Variants in PPP1R13B observed in about 807,000 individuals in gnomAD.
The protein encoded by PPP1R13B is apoptosis-stimulating of p53 protein 1.
Under a neutral mutation model 119.8 loss-of-function variants are expected in PPP1R13B, and 44 were observed. That is an observed-to-expected ratio of 0.37 (90% CI 0.29 to 0.47). The LOEUF is 0.47. PPP1R13B is among the 20% of genes least tolerant of loss of function. The pLI, the probability that PPP1R13B is intolerant of heterozygous loss-of-function variation, is 0.99. For synonymous variants in PPP1R13B, 542 were observed against 561.5 expected (o/e 0.97, Z 0.49); for missense variants, 1,227 against 1,413.5 (o/e 0.87, Z 2.12).
Position 103,812,752 on chromosome 14 carries a change from A to G in PPP1R13B, c.10-15234T>C, listed in dbSNP as rs1262451562. The stretch of plus-strand genomic sequence containing the variant: ...TTTTTAATGGGCAAATGATCTGAAC[A>G]GATACTTCACCAAAGATGACATACA... On this transcript the variant is annotated intron_variant, in intron 1 of 16. Coordinates refer to ENST00000202556, the MANE Select transcript of PPP1R13B (RefSeq NM_015316.3). Among the ~76,000 whole-genome samples the G allele has an allele frequency of 3.9e-5, 6 of 152,346 alleles. No homozygotes were observed. In the South Asian group the frequency reaches 8.3e-4, roughly 21 times the overall value.
chr14:103,785,517 C>CT (rs57736391), intron 2 of PPP1R13B, among the ~76,000 whole-genome samples: 4,910 of 120,128 alleles, frequency 0.041, 370 homozygotes, highest in African/African-American at 0.14. Context: ...CACACTCAGC[C>CT]TTTTTTTTTT....
rs557664873 is a variant in PPP1R13B at position 103,734,744 on chromosome 14, G to A, written c.*410C>T. 3.9e-5 allele frequency: 18 copies of A among 462,868 alleles called. No individual in the cohort carries two copies. The highest frequency in any genetic ancestry group is 5.9e-5 in the African/African-American group (3 of 50,512). 28.7% of individuals were successfully genotyped at this position (462,868 alleles called of 1,614,324 possible). ...GTCCGATTCGGTGACGGGGGGCAGG[G>A]CGGTCGCAGGGGAGCAGGCCTCACA... On this transcript the variant is annotated 3_prime_UTR_variant, in exon 17 of 17. Transcript: ENST00000202556.
At chr14:103,739,302 C>G in intron 12 of PPP1R13B, 1 of 427,482 alleles carries the variant, frequency 2.3e-6, no homozygotes, top group Non-Finnish European at 4.2e-6. Context: ...CCTCGGAAGA[C>G]TCTGTGGGAG....
intron 1 of PPP1R13B, among the ~76,000 whole-genome samples, chr14:103,799,612 T>G (rs982100601): frequency 2.6e-5 from 3 of 115,872 alleles, no homozygotes; most frequent in African/African-American, 3.7e-5. Flanking sequence ...TGTGCCGGGT[T>G]TTTTGTTTTT....
chr14:103,737,613 C>T (rs2084146475), intron 15 of PPP1R13B, 81 bp downstream of exon 15: 1 of 1,503,176 alleles, frequency 6.7e-7, no homozygotes, highest in Non-Finnish European at 9.0e-7. Context: ...TGTGCTGAAG[C>T]TTCTCTGGCA....
intron 4 of PPP1R13B, chr14:103,763,317 T>A (rs1223580534): frequency 3.2e-6 from 1 of 311,374 alleles, no homozygotes; most frequent in Non-Finnish European, 6.0e-6. Flanking sequence ...GTCTGTTAAC[T>A]AGTACATGGT....
intron 7 of PPP1R13B, among the ~76,000 whole-genome samples, chr14:103,750,176 T>A (rs1535098): frequency 0.45 from 67,774 of 151,930 alleles, 15,633 homozygotes; most frequent in African/African-American, 0.56. Context: ...AAATGACTAG[T>A]GCCAATGATG....
intron 2 of PPP1R13B, among the ~76,000 whole-genome samples, chr14:103,792,547 C>T (rs2144079): frequency 0.58 from 88,205 of 151,934 alleles, 27,584 homozygotes; most frequent in African/African-American, 0.84. Context: ...ACATAATTTT[C>T]GTTTTAAAGT....
intron 2 of PPP1R13B, among the ~76,000 whole-genome samples, chr14:103,787,991 T>A (rs893045999): frequency 6.6e-6 from 1 of 151,952 alleles, no homozygotes. Flanking sequence ...CACACATCCA[T>A]AGTCCCAGCG....
intron 3 of PPP1R13B, among the ~76,000 whole-genome samples, 194 bp downstream of exon 3, chr14:103,784,583 CAAAAAAAAAAAAAAAAAA>C (rs546875688): frequency 5.0e-5 from 3 of 60,584 alleles, no homozygotes; most frequent in South Asian, 7.3e-4. Flanking sequence ...ACTCTGTCTC[CAAAAAAAAAAAAAAAAAA>C]AAAAAAAAAA....
intron 1 of PPP1R13B, among the ~76,000 whole-genome samples, chr14:103,828,019 CAAAG>C (rs910135313): frequency 2.0e-5 from 3 of 152,154 alleles, no homozygotes; most frequent in Non-Finnish European, 4.4e-5. Flanking sequence ...ACCAACCACA[CAAAG>C]AGACTAAAAT....
At chr14:103,739,234 G>T in intron 12 of PPP1R13B, 1 of 589,292 alleles carries the variant, frequency 1.7e-6, no homozygotes. Context: ...CCTGTCTGAG[G>T]CCTGAGTCCC....
chr14:103,786,534 G>A (rs866796041), intron 2 of PPP1R13B, among the ~76,000 whole-genome samples: 7 of 151,942 alleles, frequency 4.6e-5, no homozygotes, highest in South Asian at 4.2e-4. Flanking sequence ...GGAGGCCAAG[G>A]TGGGCAGATC....
At chr14:103,794,665 TA>T (rs557361588) in intron 2 of PPP1R13B, 81,977 of 355,830 alleles carry the variant, frequency 0.23, 56 homozygotes, top group South Asian at 0.33. Flanking sequence ...CTCTGAAACC[TA>T]AAAAAAAAAA....
chr14:103,802,749 A>G (rs1411094410), intron 1 of PPP1R13B, among the ~76,000 whole-genome samples: 2 of 152,136 alleles, frequency 1.3e-5, no homozygotes, highest in African/African-American at 4.8e-5. Context: ...TCAGCTCATG[A>G]GTAAGTTCAA....
rs1056337292 is a variant in PPP1R13B at position 103,742,736 on chromosome 14, G to A, written c.1238C>T (p.Pro413Leu). ...VQVAGADWKDPSVEGSVKQGT... is the reference protein window; with the variant it reads ...VQVAGADWKDLSVEGSVKQGT... ...CTGCTTGACAGACCCCTCCACGCTCGGATCCTTCCAGTCTGCACCGGCCAC... is the reference window on the plus strand; with the variant it reads ...CTGCTTGACAGACCCCTCCACGCTCAGATCCTTCCAGTCTGCACCGGCCAC... The change falls in exon 10 of 17, where the codon CCG (proline) becomes CTG (leucine). Residue 413 changes from proline to leucine, a missense_variant. Physicochemically the swap from Pro to Leu is moderately conservative, Grantham distance 98. Coordinates refer to ENST00000202556, the MANE Select transcript of PPP1R13B (RefSeq NM_015316.3). This position sits in a 1 kb window ranked among gnomAD's most constrained non-coding sequence, Gnocchi z 4.9. The A allele has an allele frequency of 9.9e-6, 16 of 1,613,998 alleles. No homozygotes were observed. The East Asian group carries it at 1.1e-4, about 11-fold the overall frequency.
intron 3 of PPP1R13B, among the ~76,000 whole-genome samples, chr14:103,780,485 CAAAAAAAAAAA>C (rs34274916): frequency 3.3e-4 from 12 of 36,212 alleles, no homozygotes; most frequent in Admixed American, 1.3e-3. Context: ...AACCCTGTCT[CAAAAAAAAAAA>C]AAAAAAAAAA....
intron 4 of PPP1R13B, among the ~76,000 whole-genome samples, chr14:103,765,127 G>A (rs778371299): frequency 6.6e-6 from 1 of 152,130 alleles, no homozygotes; most frequent in African/African-American, 2.4e-5. Flanking sequence ...CAACACAGCT[G>A]TTCTATAGCC....
At chr14:103,760,468 C>T (rs1017744611) in intron 4 of PPP1R13B, among the ~76,000 whole-genome samples, 2 of 152,198 alleles carry the variant, frequency 1.3e-5, no homozygotes, top group Admixed American at 1.3e-4. Context: ...CCAGGTCACA[C>T]AGTGCACAAG....
Sources: gnomAD v4.1 joint callset for allele counts (sites outside exome capture counted in the v4.1 genomes callset) on GRCh38, gnomAD v4.1.1 for gene constraint, Gnocchi (gnomAD v3.1) non-coding constraint, MANE v1.5 for transcripts, NCBI Gene and HGNC (gene_info 2026-07-23, HGNC 2026-07-21) for gene names.